Variants in ACSS1 observed in about 807,000 individuals in gnomAD.
The protein encoded by ACSS1 is acetyl-coenzyme A synthetase 2-like, mitochondrial.
Under a neutral mutation model 75.3 loss-of-function variants are expected in ACSS1, and 42 were observed. That is an observed-to-expected ratio of 0.56 (90% CI 0.44 to 0.72). The LOEUF (loss-of-function observed/expected upper bound fraction) is 0.72. ACSS1 is among the 30% of genes least tolerant of loss of function. ACSS1 has a pLI of 0.00. For missense variants in ACSS1, 782 were observed against 935.7 expected (o/e 0.84, Z 2.14); for synonymous variants, 380 against 376.8 (o/e 1.01, Z -0.10).
At chr20:25,055,756 G>T (rs2122778369) in intron 1 of ACSS1, among the ~76,000 whole-genome samples, 1 of 152,310 alleles carries the variant, frequency 6.6e-6, no homozygotes, top group South Asian at 2.1e-4. Context: ...CTTTCTTCAA[G>T]AGTGATATTC....
intron 2 of ACSS1, among the ~76,000 whole-genome samples, chr20:25,031,521 T>C (rs1167840527): frequency 6.6e-6 from 1 of 152,200 alleles, no homozygotes; most frequent in Non-Finnish European, 1.5e-5. Flanking sequence ...TGTCACTTCG[T>C]CAGCCTACCC....
At chr20:25,041,924 C>T (rs1169667177) in intron 2 of ACSS1, among the ~76,000 whole-genome samples, 1 of 152,166 alleles carries the variant, frequency 6.6e-6, no homozygotes, top group Non-Finnish European at 1.5e-5. Flanking sequence ...GGAAGGACGC[C>T]AGACTCCATT....
chr20:25,009,219 A>G (rs766965939), intron 13 of ACSS1, 51 bp downstream of exon 13: 4 of 1,422,976 alleles, frequency 2.8e-6, no homozygotes, highest in Admixed American at 3.4e-5. Flanking sequence ...TCACTTGACA[A>G]TTGTGGGAAG....
chr20:25,031,900 C>T (rs1479045716), intron 2 of ACSS1, among the ~76,000 whole-genome samples: 2 of 152,214 alleles, frequency 1.3e-5, no homozygotes, highest in Admixed American at 1.3e-4. Context: ...TCAACACAGT[C>T]GAGGGGCACC....
chr20:25,018,523 G>A (rs971208258), intron 7 of ACSS1, among the ~76,000 whole-genome samples: 1 of 152,148 alleles, frequency 6.6e-6, no homozygotes, highest in African/African-American at 2.4e-5. Flanking sequence ...TCAATCAGGT[G>A]GGGGGCAGAG....
intron 2 of ACSS1, among the ~76,000 whole-genome samples, chr20:25,047,583 G>A (rs958649406): frequency 6.6e-6 from 1 of 152,154 alleles, no homozygotes; most frequent in African/African-American, 2.4e-5. Context: ...GTGTGTGATG[G>A]GGACTTAGGA....
chr20:25,019,781 G>A (rs1488757813), intron 7 of ACSS1, among the ~76,000 whole-genome samples: 1 of 152,272 alleles, frequency 6.6e-6, no homozygotes, highest in Non-Finnish European at 1.5e-5. Flanking sequence ...CAACGGCACA[G>A]AAAATGTCTG....
chr20:25,051,164 C>T (rs1411871934), intron 1 of ACSS1, among the ~76,000 whole-genome samples: 1 of 152,198 alleles, frequency 6.6e-6, no homozygotes, highest in African/African-American at 2.4e-5. Flanking sequence ...GCTCTCAGCC[C>T]AAGGCGCTCA....
intron 7 of ACSS1, among the ~76,000 whole-genome samples, chr20:25,018,301 A>C (rs1353022076): frequency 6.6e-6 from 1 of 152,214 alleles, no homozygotes; most frequent in Non-Finnish European, 1.5e-5. Flanking sequence ...CCAGATGCCA[A>C]CACCTTGATG....
At chr20:25,042,597 G>A (rs906952370) in intron 2 of ACSS1, among the ~76,000 whole-genome samples, 2 of 152,104 alleles carry the variant, frequency 1.3e-5, no homozygotes, top group Non-Finnish European at 2.9e-5. Flanking sequence ...AAGGGAGTGT[G>A]CTCACTAGGG....
At position 25,008,294 on chromosome 20, in the gene ACSS1, C is replaced by T. The variant is rs150306920; in HGVS notation, c.1891-353G>A. ...GGGTGCCTCATCTCCATTCTCTGGCCTGGGACTTGGCAGGTTTTGTCTTAC... is the reference window on the plus strand; with the variant it reads ...GGGTGCCTCATCTCCATTCTCTGGCTTGGGACTTGGCAGGTTTTGTCTTAC... On this transcript the variant is annotated intron_variant, in intron 13 of 13. Coordinates refer to ENST00000323482, the MANE Select transcript of ACSS1 (RefSeq NM_032501.4). Among the ~76,000 whole-genome samples, 5 of 152,340 alleles carry T rather than the reference C, an allele frequency of 3.3e-5. No homozygotes were observed. The East Asian group carries it at 9.7e-4, about 29-fold the overall frequency.
rs1001735187 is a variant in ACSS1, at chr20:25,058,019, C to G, written c.84G>C (p.Pro28=). The G allele has an allele frequency of 1.8e-5, 25 of 1,395,688 alleles. No individual in the cohort carries two copies. The Middle Eastern group carries it at 7.8e-4, about 43-fold the overall frequency. 86.5% of individuals were successfully genotyped at this position (1,395,688 alleles called of 1,614,324 possible). Residue 28 remains proline, a synonymous_variant, in exon 1 of 14, where the codon CCG becomes CCC. Transcript: ENST00000323482. ...CCCTGCGCGGCGCGCTCACCCCGCA[C>G]GGCGGCCGCGCGGGCTGCCCCGAGA... ...RGLSGQPARP[P]CGVSAPRRAA...
At chr20:25,020,287 C>G (rs372568542) in intron 6 of ACSS1, 140 bp from the exon 7 acceptor site, 50 of 1,176,200 alleles carry the variant, frequency 4.3e-5, no homozygotes, top group Non-Finnish European at 5.6e-5. Flanking sequence ...CCCAACCCCC[C>G]ACCCCCGCCA....
intron 12 of ACSS1, chr20:25,009,878 A>ATTCAG (rs2088375001): frequency 6.4e-6 from 1 of 156,620 alleles, no homozygotes; most frequent in African/African-American, 2.4e-5. Flanking sequence ...TGCATGAGCC[A>ATTCAG]CACTTCAAGT....
chr20:25,022,870 G>A (rs2088647325), intron 5 of ACSS1, 70 bp downstream of exon 5: 3 of 1,502,120 alleles, frequency 2.0e-6, no homozygotes, highest in Non-Finnish European at 2.7e-6. Flanking sequence ...CTCTGCAGCA[G>A]GAGGACTTCC....
chr20:25,053,832 C>T (rs1485019417), intron 1 of ACSS1, among the ~76,000 whole-genome samples: 2 of 152,242 alleles, frequency 1.3e-5, no homozygotes, highest in African/African-American at 2.4e-5. Context: ...AGAGTACACA[C>T]ACTGAAAAAC....
chr20:25,019,893 G>A (rs1402836977), intron 7 of ACSS1, 117 bp downstream of exon 7: 43 of 1,453,894 alleles, frequency 3.0e-5, no homozygotes, highest in Non-Finnish European at 3.6e-5. Context: ...CTGGCATTGC[G>A]TGAATTCACA....
rs2088458383 is a variant in ACSS1 at position 25,013,597 on chromosome 20, C to T, written c.1518G>A (p.Met506Ile). Residue 506 changes from methionine (M) to isoleucine (I), a missense_variant, in exon 10 of 14, where the codon ATG becomes ATA. Coordinates refer to ENST00000323482, the MANE Select transcript of ACSS1 (RefSeq NM_032501.4). Reference protein sequence around the residue: ...ALCISQAWPGMARTIYGDHQR... With the variant: ...ALCISQAWPGIARTIYGDHQR... The stretch of plus-strand genomic sequence containing the variant: ...GGTGGTCGCCATAGATGGTCCTGGC[C>T]ATGCCCGGCCAGGCCTGGGAGATGC... 1 of 1,610,684 alleles carries T rather than the reference C, an allele frequency of 6.2e-7. No individual in the cohort carries two copies. The highest frequency in any genetic ancestry group is 8.5e-7 in the Non-Finnish European group (1 of 1,177,930).
In ACSS1 at chr20:25,057,862, G is replaced by A; in HGVS notation, c.241C>T (p.Leu81Phe). ...GTGTGGTAGGGGGTGTCCCACACGA[G>A]AGTGTCCCGCGCCAGAGGCCCCCAG... is the stretch of plus-strand genomic sequence containing the variant. ...AFWGPLARDT[L>F]VWDTPYHTVW... Residue 81 changes from leucine to phenylalanine, a missense_variant, in exon 1 of 14, where the codon CTC becomes TTC. By Grantham distance (22) the Leu-to-Phe change is conservative. Coordinates refer to ENST00000323482, the MANE Select transcript of ACSS1 (RefSeq NM_032501.4). 1 of 1,612,666 alleles carries A rather than the reference G, an allele frequency of 6.2e-7. No homozygotes were observed. Among genetic ancestry groups the A allele is most frequent in the Non-Finnish European group, 8.5e-7 (1 of 1,179,638 alleles).
Sources: gnomAD v4.1 joint callset for allele counts (sites outside exome capture counted in the v4.1 genomes callset) on GRCh38, gnomAD v4.1.1 for gene constraint, MANE v1.5 for transcripts, NCBI Gene and HGNC (gene_info 2026-07-23, HGNC 2026-07-21) for gene names.